CFAP299: variants seen among roughly 807,000 people sequenced by gnomAD.
CFAP299 encodes the protein cilia- and flagella-associated protein 299.
In CFAP299, 21 loss-of-function variants were observed where a neutral mutation model predicts 27.0. That is an observed-to-expected ratio of 0.78 (90% CI 0.55 to 1.12). The LOEUF (loss-of-function observed/expected upper bound fraction) is 1.12, where lower values mean the gene tolerates loss of function less well. Among genes scored for constraint, CFAP299 ranks in the 50% most tolerant of loss-of-function variants. The pLI, the probability that CFAP299 is intolerant of heterozygous loss-of-function variation, is 0.00. For synonymous variants in CFAP299, 104 were observed against 98.1 expected, an observed-to-expected ratio of 1.06 and a Z score of -0.36; for missense variants, 310 against 276.6, an observed-to-expected ratio of 1.12 and a Z score of -0.86.
chr4:80,935,244 T>A lies in CFAP299; in HGVS notation c.477-9566T>A, dbSNP rs189915461. The stretch of plus-strand genomic sequence containing the variant: ...GTGTCAGAAACTGTACTTGGTATAA[T>A]TGCATCTGCTTAAATTCCTAAGCAA... On this transcript the variant is annotated intron_variant, in intron 4 of 5. Coordinates refer to ENST00000358105, the MANE Select transcript of CFAP299 (RefSeq NM_152770.3). Among the ~76,000 whole-genome samples, 26 of 152,074 alleles carry A rather than the reference T, an allele frequency of 1.7e-4. 1 individual carries two copies. Among genetic ancestry groups the A allele is most frequent in the Admixed American group, 1.6e-3 (25 of 15,236 alleles).
At chr4:80,390,634 T>C (rs1429665869) in intron 2 of CFAP299, among the ~76,000 whole-genome samples, 5 of 119,718 alleles carry the variant, frequency 4.2e-5, no homozygotes, top group Admixed American at 8.6e-5. Context: ...TATATATGTA[T>C]ACACATATAT....
At chr4:80,387,816 C>T (rs1245224287) in intron 2 of CFAP299, 5 of 1,557,916 alleles carry the variant, frequency 3.2e-6, no homozygotes, top group Admixed American at 1.7e-5. Context: ...CCTTTGGCTT[C>T]CCTGTAGCTT....
intron 4 of CFAP299, among the ~76,000 whole-genome samples, chr4:80,923,798 T>A (rs967395624): frequency 6.6e-6 from 1 of 152,006 alleles, no homozygotes; most frequent in Admixed American, 6.6e-5. Flanking sequence ...AACCATCCAT[T>A]TTAAAAATTA....
intron 2 of CFAP299, among the ~76,000 whole-genome samples, chr4:80,555,918 T>C (rs1734758249): frequency 6.6e-6 from 1 of 152,002 alleles, no homozygotes; most frequent in Non-Finnish European, 1.5e-5. Context: ...CAGACAGAAA[T>C]ATGACTCAAA....
intron 5 of CFAP299, among the ~76,000 whole-genome samples, chr4:80,952,940 A>T (rs1737859006): frequency 6.6e-6 from 1 of 152,168 alleles, no homozygotes; most frequent in Non-Finnish European, 1.5e-5. Flanking sequence ...GATCTTCTCA[A>T]AACGGAGACC....
At chr4:80,526,845 A>G (rs1733206618) in intron 2 of CFAP299, among the ~76,000 whole-genome samples, 1 of 152,196 alleles carries the variant, frequency 6.6e-6, no homozygotes, top group South Asian at 2.1e-4. Flanking sequence ...TAAGAGCCTA[A>G]TATCTATTTC....
At chr4:80,798,762 A>G (rs1465960229) in intron 3 of CFAP299, among the ~76,000 whole-genome samples, 2 of 152,056 alleles carry the variant, frequency 1.3e-5, no homozygotes, top group East Asian at 1.9e-4. Context: ...CAGCTTTATT[A>G]TATTCCTTGA....
intron 2 of CFAP299, among the ~76,000 whole-genome samples, chr4:80,528,035 CT>C (rs1454951567): frequency 6.6e-6 from 1 of 152,128 alleles, no homozygotes; most frequent in Non-Finnish European, 1.5e-5. Flanking sequence ...GATGAATGCA[CT>C]TTGGATGAAC....
At chr4:80,849,488 A>G (rs2110146543) in intron 3 of CFAP299, among the ~76,000 whole-genome samples, 1 of 152,354 alleles carries the variant, frequency 6.6e-6, no homozygotes, top group African/African-American at 2.4e-5. Flanking sequence ...AATCAAGTAC[A>G]GGTAAAAGAA....
At chr4:80,760,502 C>CTAT (rs1725489928) in intron 3 of CFAP299, among the ~76,000 whole-genome samples, 1 of 152,126 alleles carries the variant, frequency 6.6e-6, no homozygotes, top group Non-Finnish European at 1.5e-5. Flanking sequence ...TAACCAAGAG[C>CTAT]TATACAGGGA....
intron 2 of CFAP299, among the ~76,000 whole-genome samples, chr4:80,504,490 TATATATATATA>T (rs1560598331): frequency 2.3e-5 from 3 of 130,288 alleles, no homozygotes; most frequent in African/African-American, 5.5e-5. Flanking sequence ...TATATATATA[TATATATATATA>T]TATATTTTCC....
intron 2 of CFAP299, among the ~76,000 whole-genome samples, chr4:80,506,013 A>AT: frequency 8.4e-6 from 1 of 118,846 alleles, no homozygotes; most frequent in African/African-American, 3.4e-5. Context: ...AATATATATA[A>AT]ATATATATAT....
chr4:80,553,894 C>A (rs1430626333), intron 2 of CFAP299, among the ~76,000 whole-genome samples: 1 of 152,050 alleles, frequency 6.6e-6, no homozygotes, highest in African/African-American at 2.4e-5. Context: ...AATATTAGAT[C>A]TTTGTCAGAT....
intron 2 of CFAP299, among the ~76,000 whole-genome samples, chr4:80,396,674 A>G (rs1278701096): frequency 6.6e-6 from 1 of 152,046 alleles, no homozygotes; most frequent in Admixed American, 6.6e-5. Flanking sequence ...TATATGCTGG[A>G]TTACGTTTAT....
intron 3 of CFAP299, among the ~76,000 whole-genome samples, chr4:80,595,688 G>A (rs1196448418): frequency 6.6e-6 from 1 of 152,146 alleles, no homozygotes; most frequent in Non-Finnish European, 1.5e-5. Context: ...GTTGTTTGAA[G>A]GTTTTCTGTG....
intron 3 of CFAP299, among the ~76,000 whole-genome samples, chr4:80,772,102 G>T (rs770011451): frequency 5.3e-5 from 8 of 152,140 alleles, no homozygotes; most frequent in Non-Finnish European, 1.0e-4. Flanking sequence ...AGAGGCAGGG[G>T]AATAATAATA....
In CFAP299 at chr4:80,388,682, A is replaced by G. The variant is rs373766975; in HGVS notation, c.242+25798A>G. 1.9e-4 allele frequency: 187 copies of G among 985,916 alleles called. No homozygotes were observed. In the African/African-American group the frequency reaches 2.7e-3, roughly 14 times the overall value. 61.1% of individuals were successfully genotyped at this position (985,916 alleles called of 1,614,324 possible). On this transcript the variant is annotated intron_variant, in intron 2 of 5. Coordinates refer to ENST00000358105, the MANE Select transcript of CFAP299 (RefSeq NM_152770.3). ...GACAGCTAGAATGGTCTGGTTGTCC[A>G]TTCCCTCCAGGGCCTTAAAGATCAC...
At chr4:80,532,814 T>C (rs982931794) in intron 2 of CFAP299, among the ~76,000 whole-genome samples, 2 of 152,194 alleles carry the variant, frequency 1.3e-5, no homozygotes, top group Non-Finnish European at 2.9e-5. Context: ...ACATTGTTCA[T>C]AAAAGCAGGA....
At chr4:80,559,770 A>G (rs1161729111) in intron 2 of CFAP299, among the ~76,000 whole-genome samples, 1 of 152,176 alleles carries the variant, frequency 6.6e-6, no homozygotes, top group Non-Finnish European at 1.5e-5. Context: ...CCATGGAAGG[A>G]GCATTTAAAC....
Sources: gnomAD v4.1 joint callset for allele counts (sites outside exome capture counted in the v4.1 genomes callset) on GRCh38, gnomAD v4.1.1 for gene constraint, MANE v1.5 for transcripts, NCBI Gene and HGNC (gene_info 2026-07-23, HGNC 2026-07-21) for gene names.